Variants in LBR observed in about 807,000 individuals in gnomAD.
The protein encoded by LBR is delta(14)-sterol reductase LBR.
LBR carries 28 observed loss-of-function variants against 74.3 expected under a neutral mutation model. That is an observed-to-expected ratio of 0.38 (90% CI 0.28 to 0.52). The LOEUF is 0.52. Ranked by LOEUF, LBR falls within the 20% of genes least tolerant of loss-of-function variation. The pLI is 0.89. For synonymous variants in LBR, 228 were observed against 269.3 expected (o/e 0.85, Z 1.50); for missense variants, 717 against 760.3 (o/e 0.94, Z 0.67).
At chr1:225,426,005 A>C (rs1378374542) in intron 1 of LBR, among the ~76,000 whole-genome samples, 3 of 152,248 alleles carry the variant, frequency 2.0e-5, no homozygotes, top group Non-Finnish European at 4.4e-5. Context: ...GGCCAGTGCC[A>C]AAAAGATTCT....
At chr1:225,424,121 A>G in intron 1 of LBR, 32 bp from the exon 2 acceptor site, 2 of 1,473,960 alleles carry the variant, frequency 1.4e-6, no homozygotes, top group Non-Finnish European at 1.9e-6. Context: ...AATTTGAGTC[A>G]ATACATACAC....
At chr1:225,409,546 C>T (rs1358791103) in intron 10 of LBR, among the ~76,000 whole-genome samples, 1 of 152,122 alleles carries the variant, frequency 6.6e-6, no homozygotes, top group Non-Finnish European at 1.5e-5. Flanking sequence ...GTCACTAAAA[C>T]TTGTTTTGGA....
intron 7 of LBR, chr1:225,414,270 T>C (rs2096112716): frequency 2.5e-6 from 1 of 397,422 alleles, no homozygotes; most frequent in South Asian, 1.8e-5. Flanking sequence ...GCTTCCCCTT[T>C]AGAACCCAGT....
In LBR at chr1:225,412,791, A is replaced by T. The variant is rs982233043; in HGVS notation, c.893-146T>A. Reference sequence around the variant, plus strand: ...CTAAATACACACAAATATGCAAATAAGCAATGTCTGAGGTATAATTTTCAA... The same window carrying T: ...CTAAATACACACAAATATGCAAATATGCAATGTCTGAGGTATAATTTTCAA... On this transcript the variant is annotated intron_variant, in intron 7 of 13. Coordinates refer to ENST00000272163, the MANE Select transcript of LBR (RefSeq NM_002296.4). 9.4e-6 allele frequency: 7 copies of T among 744,478 alleles called. No individual in the cohort carries two copies. In the African/African-American group the frequency reaches 1.2e-4, roughly 13 times the overall value. 46.1% of individuals were successfully genotyped at this position (744,478 alleles called of 1,614,324 possible). A position where few individuals can be genotyped will look rare whatever the true frequency, so the allele number is the denominator to read the frequency against.
At chr1:225,413,458 G>A (rs2096110438) in intron 7 of LBR, among the ~76,000 whole-genome samples, 1 of 152,198 alleles carries the variant, frequency 6.6e-6, no homozygotes, top group Non-Finnish European at 1.5e-5. Context: ...ATCCTAAAAA[G>A]TCATCAAATC....
At chr1:225,419,047 A>G (rs963125936) in intron 5 of LBR, among the ~76,000 whole-genome samples, 5 of 152,224 alleles carry the variant, frequency 3.3e-5, no homozygotes, top group South Asian at 4.1e-4. Flanking sequence ...ACACAGCTAC[A>G]ATGGCATCCT....
chr1:225,403,104 T>C lies in LBR; in HGVS notation c.*199A>G, dbSNP rs1216105677. On this transcript the variant is annotated 3_prime_UTR_variant, in exon 14 of 14. Transcript: ENST00000272163. ...CTCACATCCTTACTTGTATTTTTCCTATGTTAACTGTAAGTTAATACAAGT... is the reference window on the plus strand; with the variant it reads ...CTCACATCCTTACTTGTATTTTTCCCATGTTAACTGTAAGTTAATACAAGT... 1 of 574,486 alleles carries C rather than the reference T, an allele frequency of 1.7e-6. No homozygotes were observed. Among genetic ancestry groups the C allele is most frequent in the Non-Finnish European group, 3.1e-6 (1 of 325,056 alleles). 35.6% of individuals were successfully genotyped at this position (574,486 alleles called of 1,614,324 possible).
chr1:225,417,686 GAA>G (rs1304327200), intron 6 of LBR: 2 of 285,790 alleles, frequency 7.0e-6, no homozygotes, highest in African/African-American at 4.4e-5. Flanking sequence ...TATTTGGTTT[GAA>G]AAGTTACACA....
rs769829188 is a variant in LBR at position 225,411,442 on chromosome 1, T to A, written c.1085-2A>T. ...TGAAGAAATCATAGACAGCATTTCCTGAGAAAGGAAAAGTGTTTACCCAAA... is the reference window on the plus strand; with the variant it reads ...TGAAGAAATCATAGACAGCATTTCCAGAGAAAGGAAAAGTGTTTACCCAAA... On this transcript the variant is annotated splice_acceptor_variant, in intron 8 of 13. Coordinates refer to ENST00000272163, the MANE Select transcript of LBR (RefSeq NM_002296.4). LOFTEE classifies it high-confidence loss of function. 6.2e-7 allele frequency: 1 copy of A among 1,609,328 alleles called. No homozygotes were observed. The highest frequency in any genetic ancestry group is 8.5e-7 in the Non-Finnish European group (1 of 1,175,594).
At chr1:225,426,845 T>C (rs575259097) in intron 1 of LBR, among the ~76,000 whole-genome samples, 2 of 152,284 alleles carry the variant, frequency 1.3e-5, no homozygotes, top group East Asian at 3.9e-4. Flanking sequence ...ATAAACATCC[T>C]TGGGCAGCTC....
chr1:225,411,750 T>A (rs1263500007), intron 8 of LBR, among the ~76,000 whole-genome samples: 1 of 152,234 alleles, frequency 6.6e-6, no homozygotes, highest in Admixed American at 6.5e-5. Context: ...GCGACATTTT[T>A]TTATATTGAA....
chr1:225,423,827 T>C (rs1272833891), intron 2 of LBR, 84 bp downstream of exon 2: 4 of 1,333,264 alleles, frequency 3.0e-6, no homozygotes, highest in Admixed American at 1.7e-5. Context: ...CGAGCTGAAC[T>C]GACTATCCTG....
chr1:225,409,786 C>G (rs1200355139), intron 10 of LBR, among the ~76,000 whole-genome samples: 1 of 152,140 alleles, frequency 6.6e-6, no homozygotes, highest in African/African-American at 2.4e-5. Flanking sequence ...AAAAAAGACA[C>G]AAGATGGAAA....
intron 13 of LBR, among the ~76,000 whole-genome samples, chr1:225,403,749 T>C (rs2096085800): frequency 6.6e-6 from 1 of 152,270 alleles, no homozygotes; most frequent in Non-Finnish European, 1.5e-5. Flanking sequence ...CTCGCCCTTC[T>C]TCCCCCAGCA....
chr1:225,419,520 AT>A, intron 4 of LBR, 68 bp from the exon 5 acceptor site: 1 of 1,140,192 alleles, frequency 8.8e-7, no homozygotes, highest in Non-Finnish European at 1.3e-6. Flanking sequence ...TGCATTAACT[AT>A]TTCAGCATCT....
chr1:225,425,222 TG>T (rs148205384), intron 1 of LBR, among the ~76,000 whole-genome samples: 100 of 146,208 alleles, frequency 6.8e-4, no homozygotes, highest in African/African-American at 2.5e-3. Context: ...AGTGGGAGAG[TG>T]GGGGGGGAGG....
rs1400504061 is a variant in LBR at position 225,418,137 on chromosome 1, C to G, written c.684G>C (p.Leu228=). The part of the protein sequence containing the change: ...IMFGLPVFLF[L]LLLMCKQKDP... ...CTTTCTGTTTACACATCAACAGCAA[C>G]AGGAAGAGGAACACAGGCAGGCCAA... is the stretch of plus-strand genomic sequence containing the variant. Residue 228 remains leucine, a synonymous_variant, in exon 6 of 14, where the codon CTG becomes CTC. Transcript: ENST00000272163. The G allele has an allele frequency of 5.6e-6, 9 of 1,613,960 alleles. No individual in the cohort carries two copies. The highest frequency in any genetic ancestry group is 7.6e-6 in the Non-Finnish European group (9 of 1,179,982).
rs200648839 is a variant in LBR, at chr1:225,422,127, T to C, written c.316A>G (p.Ile106Val). ...RSASASHQAD[I>V]KEARREVEVK... ...TCCACTTCCCTCCTTGCTTCCTTAA[T>C]GTCGGCCTGGTGGGAAGCAGAAGCA... Residue 106 changes from isoleucine (I) to valine (V), a missense_variant, in exon 3 of 14, where the codon ATT becomes GTT. Coordinates refer to ENST00000272163, the MANE Select transcript of LBR (RefSeq NM_002296.4). 2 of 1,614,172 alleles carry C rather than the reference T, an allele frequency of 1.2e-6. No homozygotes were observed. Among genetic ancestry groups the C allele is most frequent in the East Asian group, 4.5e-5 (2 of 44,874 alleles).
chr1:225,420,682 C>T (rs1459067977), intron 3 of LBR, among the ~76,000 whole-genome samples: 3 of 151,886 alleles, frequency 2.0e-5, no homozygotes, highest in East Asian at 1.9e-4. Flanking sequence ...TTCCTGGAGT[C>T]CCGGGGTGGT....
Sources: gnomAD v4.1 joint callset for allele counts (sites outside exome capture counted in the v4.1 genomes callset) on GRCh38, gnomAD v4.1.1 for gene constraint, MANE v1.5 for transcripts, NCBI Gene and HGNC (gene_info 2026-07-23, HGNC 2026-07-21) for gene names.